Variants in POTEE observed in about 807,000 individuals in gnomAD.
POTEE encodes the protein ANKRD26-like family C member 1A.
Under a neutral mutation model 74.2 loss-of-function variants are expected in POTEE, and 21 were observed. The ratio of observed to expected loss-of-function variants is 0.28; its 90% confidence interval spans 0.20 to 0.41. The LOEUF (loss-of-function observed/expected upper bound fraction) is 0.41, where lower values mean the gene tolerates loss of function less well. Ranked by LOEUF, POTEE falls within the 10% of genes least tolerant of loss-of-function variation. The pLI, the probability that POTEE is intolerant of heterozygous loss-of-function variation, is 1.00. For synonymous variants in POTEE, 211 were observed against 432.8 expected, an observed-to-expected ratio of 0.49 and a Z score of 6.36; for missense variants, 525 against 1,158.6, an observed-to-expected ratio of 0.45 and a Z score of 7.94.
chr2:131,230,291 C>T (rs1012174588), intron 8 of POTEE, among the ~76,000 whole-genome samples: 2 of 152,142 alleles, frequency 1.3e-5, no homozygotes, highest in Admixed American at 1.3e-4. Context: ...AAAACTACAA[C>T]ATTTGTATAT....
chr2:131,221,774 G>T (rs71277171), intron 4 of POTEE, among the ~76,000 whole-genome samples: 1 of 150,830 alleles, frequency 6.6e-6, no homozygotes, highest in Non-Finnish European at 1.5e-5. Context: ...TAGTTGAGTT[G>T]TATGTTTATG....
chr2:131,228,547 A>G lies in POTEE; in HGVS notation c.1055+166A>G, dbSNP rs895414968. Among the ~76,000 whole-genome samples the G allele has an allele frequency of 4.0e-5, 6 of 148,944 alleles. 1 individual carries two copies. Among genetic ancestry groups the G allele is most frequent in the African/African-American group, 1.6e-4 (6 of 38,466 alleles). On this transcript the variant is annotated intron_variant, in intron 8 of 17. Coordinates refer to ENST00000683005, the MANE Select transcript of POTEE (RefSeq NM_001083538.3). ...AGCCAGAAATCAGACAAAAAGCAAGACAAGTTAGAAGTACCAATGGGTGCG... is the reference window on the plus strand; with the variant it reads ...AGCCAGAAATCAGACAAAAAGCAAGGCAAGTTAGAAGTACCAATGGGTGCG...
chr2:131,260,243 G>A (rs1191680515), intron 16 of POTEE, among the ~76,000 whole-genome samples: 1 of 149,872 alleles, frequency 6.7e-6, no homozygotes, highest in Non-Finnish European at 1.5e-5. Context: ...TTGAAGTCAG[G>A]TAATGTGATG....
At position 131,218,571 on chromosome 2, in the gene POTEE, C is replaced by T. The variant is rs768129127; in HGVS notation, c.169C>T (p.Leu57Phe). 1.9e-5 allele frequency: 30 copies of T among 1,612,760 alleles called. No homozygotes were observed. Among genetic ancestry groups the T allele is most frequent in the Non-Finnish European group, 2.5e-6 (3 of 1,179,780 alleles). ...GDHDDSAMKT[L>F]RSKMGKWCHH... Reference sequence around the variant, plus strand: ...CCACGACGACTCTGCTATGAAGACACTCAGGAGCAAGATGGGCAAGTGGTG... The same window carrying T: ...CCACGACGACTCTGCTATGAAGACATTCAGGAGCAAGATGGGCAAGTGGTG... The change falls in exon 4 of 18, where the codon CTC becomes TTC. Residue 57 changes from leucine to phenylalanine, a missense_variant. Coordinates refer to ENST00000683005, the MANE Select transcript of POTEE (RefSeq NM_001083538.3).
At chr2:131,230,508 G>A (rs1412804961) in intron 8 of POTEE, among the ~76,000 whole-genome samples, 2 of 152,154 alleles carry the variant, frequency 1.3e-5, no homozygotes, top group South Asian at 2.1e-4. Context: ...CCTAAGAGAA[G>A]CAAGTTGTCC....
At position 131,211,540 on chromosome 2, in the gene POTEE, G is replaced by GT. The variant is rs70994742; in HGVS notation, c.-189+357_-189+358insT. The stretch of plus-strand genomic sequence containing the variant: ...GGTGACTGTGTGTGTGTGTGTGTGT[G>GT]GCTTTTTTTTTTTTTTTTTTTTTTT... On this transcript the variant is annotated intron_variant, in intron 2 of 17. Coordinates refer to ENST00000683005, the MANE Select transcript of POTEE (RefSeq NM_001083538.3). Among the ~76,000 whole-genome samples the GT allele has an allele frequency of 1.4e-4, 9 of 65,440 alleles. 2 individuals are homozygous for GT. The highest frequency in any genetic ancestry group is 4.9e-4 in the East Asian group (1 of 2,036). 42.9% of individuals were successfully genotyped at this position (65,440 alleles called of 152,430 possible).
At chr2:131,233,499 G>A (rs1321108009) in intron 9 of POTEE, among the ~76,000 whole-genome samples, 2 of 151,784 alleles carry the variant, frequency 1.3e-5, no homozygotes, top group Non-Finnish European at 1.5e-5. Flanking sequence ...TAGTTTCCTT[G>A]TCATACATCC....
At position 131,263,774 on chromosome 2, in the gene POTEE, C is replaced by T. The variant is rs769448687; in HGVS notation, c.2319C>T (p.His773=). 70 of 1,613,184 alleles carry T rather than the reference C, an allele frequency of 4.3e-5. No individual in the cohort carries two copies. The highest frequency in any genetic ancestry group is 2.2e-4 in the East Asian group (10 of 44,864). The change falls in exon 18 of 18, where the codon CAC becomes CAT. Residue 773 remains histidine (H), a synonymous_variant. Coordinates refer to ENST00000683005, the MANE Select transcript of POTEE (RefSeq NM_001083538.3). ...GILTLKYPME[H]GIITNWDDME... is the part of the protein sequence containing the mutation. ...TGACCCTGAAGTACCCCATGGAACA[C>T]GGCATCATCACCAACTGGGATGACA...
At chr2:131,226,776 T>C (rs2105082169) in intron 6 of POTEE, 47 bp from the exon 7 acceptor site, 1 of 1,610,192 alleles carries the variant, frequency 6.2e-7, no homozygotes, top group Non-Finnish European at 8.5e-7. Flanking sequence ...TTGAGGAATA[T>C]GTACTTTTTT....
rs1700930337 is a variant in POTEE at position 131,230,816 on chromosome 2, T to G, written c.1056-20T>G. On this transcript the variant is annotated intron_variant, in intron 8 of 17. Coordinates refer to ENST00000683005, the MANE Select transcript of POTEE (RefSeq NM_001083538.3). ...TCAGTATTAAAATAGTAATTTGGTT[T>G]ATTACATTTTTATACATAGAATTTG... The G allele has an allele frequency of 1.3e-6, 2 of 1,544,890 alleles. No individual in the cohort carries two copies. The highest frequency in any genetic ancestry group is 1.8e-6 in the Non-Finnish European group (2 of 1,141,896).
chr2:131,218,860 C>A lies in POTEE; in HGVS notation c.458C>A (p.Pro153His). 2 of 1,613,032 alleles carry A rather than the reference C, an allele frequency of 1.2e-6. No individual in the cohort carries two copies. Among genetic ancestry groups the A allele is most frequent in the Non-Finnish European group, 1.7e-6 (2 of 1,179,918 alleles). Residue 153 changes from proline to histidine, a missense_variant, in exon 4 of 18, where the codon CCC (proline) becomes CAC (histidine). Physicochemically the swap from Pro to His is moderately conservative, Grantham distance 77. Transcript: ENST00000683005. The stretch of plus-strand genomic sequence containing the variant: ...AGAGCTGCCTGGTGGGGTAAAGTCC[C>A]CAGAAAGGATCTCATCGTCATGCTC... ...LHRAAWWGKV[P>H]RKDLIVMLRD...
At chr2:131,258,664 T>C (rs1430542329) in intron 16 of POTEE, among the ~76,000 whole-genome samples, 1 of 145,216 alleles carries the variant, frequency 6.9e-6, no homozygotes, top group African/African-American at 2.5e-5. Context: ...ATGAAGAAAA[T>C]TTACGAGATC....
chr2:131,249,007 G>T (rs1317601626), intron 13 of POTEE, among the ~76,000 whole-genome samples: 1 of 148,284 alleles, frequency 6.7e-6, no homozygotes, highest in African/African-American at 2.4e-5. Context: ...TTTTTGTAAT[G>T]GGATAGTATT....
At chr2:131,236,434 G>A (rs1157178872) in intron 9 of POTEE, among the ~76,000 whole-genome samples, 1 of 152,012 alleles carries the variant, frequency 6.6e-6, no homozygotes, top group Non-Finnish European at 1.5e-5. Flanking sequence ...TCACTATTAG[G>A]AAGTGGAGAA....
At chr2:131,215,119 A>G (rs1419212556) in intron 2 of POTEE, among the ~76,000 whole-genome samples, 1 of 151,264 alleles carries the variant, frequency 6.6e-6, no homozygotes, top group Non-Finnish European at 1.5e-5. Context: ...ATGTGTCACA[A>G]TATATTTAGC....
chr2:131,235,763 C>A, intron 9 of POTEE, among the ~76,000 whole-genome samples: 1 of 120,382 alleles, frequency 8.3e-6, no homozygotes, highest in Admixed American at 1.2e-4. Context: ...CACTGCACTC[C>A]AGCCTGGTGA....
At position 131,218,428 on chromosome 2, in the gene POTEE, C is replaced by A. The variant is rs557083202; in HGVS notation, c.26C>A (p.Pro9Gln). Residue 9 changes from proline (P) to glutamine (Q), a missense_variant, in exon 4 of 18, where the codon CCG becomes CAG. By Grantham distance (76) the Pro-to-Gln change is moderately conservative. Transcript: ENST00000683005. ...ATGGTGGTTGAGGTTGATTCCATGC[C>A]GGCTGCCTCTTCTGTGAAGAAGCCA... MVVEVDSM[P>Q]AASSVKKPFG... is the part of the protein sequence containing the mutation. 6.2e-7 allele frequency: 1 copy of A among 1,613,070 alleles called. No homozygotes were observed. The highest frequency in any genetic ancestry group is 1.3e-5 in the African/African-American group (1 of 74,674).
Position 131,218,685 on chromosome 2 carries a change from A to G in POTEE, c.283A>G (p.Arg95Gly). ...CGACGACTCTGCTATGAAGACACTC[A>G]GGAACAAGATGGGGAAGTGGTGCTG... ...DHDDSAMKTLRNKMGKWCCHC... is the reference protein window; with the variant it reads ...DHDDSAMKTLGNKMGKWCCHC... The change falls in exon 4 of 18, where the codon AGG (arginine) becomes GGG (glycine). Residue 95 changes from arginine to glycine, a missense_variant. Arg to Gly is a moderately radical substitution (Grantham distance 125). Transcript: ENST00000683005. The G allele has an allele frequency of 7.4e-7, 1 of 1,352,682 alleles. No individual in the cohort carries two copies. The highest frequency in any genetic ancestry group is 2.7e-5 in the East Asian group (1 of 37,316). The allele number at this position is 1,352,682 out of a possible 1,614,324, so 83.8% of individuals were successfully genotyped here.
At chr2:131,233,086 G>A (rs1166803674) in intron 9 of POTEE, among the ~76,000 whole-genome samples, 1 of 152,088 alleles carries the variant, frequency 6.6e-6, no homozygotes, top group East Asian at 1.9e-4. Flanking sequence ...GAAAGAATAA[G>A]GAATGGCTAT....
Sources: allele counts gnomAD v4.1 joint callset (sites outside exome capture counted in the v4.1 genomes callset), GRCh38; gene constraint gnomAD v4.1.1; transcripts MANE v1.5; gene names NCBI Gene and HGNC (gene_info 2026-07-23, HGNC 2026-07-21).